RNF180: variants seen among roughly 807,000 people sequenced by gnomAD.
RNF180 encodes E3 ubiquitin-protein ligase RNF180.
A neutral mutation model predicts 59.2 loss-of-function variants in RNF180; 38 were observed. That is an observed-to-expected ratio of 0.64 (90% CI 0.50 to 0.84). The LOEUF is 0.84. Among genes scored for constraint, RNF180 ranks in the 40% least tolerant of loss-of-function variants. The pLI is 0.00. For synonymous variants in RNF180, 262 were observed against 240.3 expected (o/e 1.09, Z -0.84); for missense variants, 705 against 700.9 (o/e 1.01, Z -0.07).
At chr5:64,336,920 G>A (rs1324906542) in intron 7 of RNF180, among the ~76,000 whole-genome samples, 3 of 150,276 alleles carry the variant, frequency 2.0e-5, no homozygotes, top group Non-Finnish European at 1.5e-5. Context: ...AATGTTTTTC[G>A]CTTTGTGTCT....
At chr5:64,168,320 T>C (rs532833572) in intron 1 of RNF180, among the ~76,000 whole-genome samples, 1 of 152,194 alleles carries the variant, frequency 6.6e-6, no homozygotes, top group Admixed American at 6.5e-5. Context: ...TAAAGGATTG[T>C]CCTGATGGCT....
chr5:64,315,608 G>A (rs1403599340), intron 5 of RNF180, among the ~76,000 whole-genome samples: 3 of 151,244 alleles, frequency 2.0e-5, no homozygotes, highest in African/African-American at 7.4e-5. Flanking sequence ...GCCAGGCATA[G>A]TGGTGCATGC....
chr5:64,242,491 T>C (rs183886052), intron 5 of RNF180, among the ~76,000 whole-genome samples: 2 of 152,030 alleles, frequency 1.3e-5, no homozygotes, highest in East Asian at 1.9e-4. Flanking sequence ...TTAAAAAAAC[T>C]GAAGGAAACT....
intron 7 of RNF180, among the ~76,000 whole-genome samples, chr5:64,359,393 G>A (rs1173632190): frequency 1.3e-5 from 2 of 151,798 alleles, no homozygotes; most frequent in East Asian, 3.9e-4. Context: ...CAGTGATGAT[G>A]AGCATTTTTT....
chr5:64,189,549 A>G (rs927072232), intron 1 of RNF180, among the ~76,000 whole-genome samples: 1 of 152,204 alleles, frequency 6.6e-6, no homozygotes, highest in Non-Finnish European at 1.5e-5. Context: ...CTTGTGAGTG[A>G]TGACCTTGAA....
intron 1 of RNF180, among the ~76,000 whole-genome samples, chr5:64,175,656 C>A (rs933752286): frequency 6.6e-6 from 1 of 152,014 alleles, no homozygotes; most frequent in African/African-American, 2.4e-5. Flanking sequence ...TGAAAAATGT[C>A]ATTGGTATTT....
chr5:64,321,277 T>C (rs1307540485), intron 5 of RNF180, among the ~76,000 whole-genome samples: 1 of 152,128 alleles, frequency 6.6e-6, no homozygotes, highest in Non-Finnish European at 1.5e-5. Context: ...GAAATCCCCA[T>C]AGTCTCAGCC....
In RNF180 at chr5:64,214,375, A is replaced by G. The variant is rs767467784; in HGVS notation, c.1049A>G (p.Glu350Gly). ...RSMPEASDQE[E>G]HLSPLDFLHS... ...ATGCCGGAGGCCTCAGACCAGGAAGAGCACCTCTCCCCTCTGGACTTCCTG... is the reference window on the plus strand; with the variant it reads ...ATGCCGGAGGCCTCAGACCAGGAAGGGCACCTCTCCCCTCTGGACTTCCTG... Residue 350 changes from glutamate to glycine, a missense_variant, in exon 4 of 8, where the codon GAG (glutamate) becomes GGG (glycine). Glu to Gly is a moderately conservative substitution (Grantham distance 98). Transcript: ENST00000389100. 6 of 1,613,934 alleles carry G rather than the reference A, an allele frequency of 3.7e-6. No homozygotes were observed. Among genetic ancestry groups the G allele is most frequent in the South Asian group, 1.1e-5 (1 of 91,084 alleles).
chr5:64,185,859 A>G (rs1190970624), intron 1 of RNF180, among the ~76,000 whole-genome samples: 1 of 152,226 alleles, frequency 6.6e-6, no homozygotes, highest in Non-Finnish European at 1.5e-5. Context: ...TAAAGGCATA[A>G]GTAACAGATG....
intron 5 of RNF180, among the ~76,000 whole-genome samples, chr5:64,314,926 C>G (rs1743962463): frequency 6.6e-6 from 1 of 152,154 alleles, no homozygotes; most frequent in Admixed American, 6.6e-5. Flanking sequence ...CAAAACTTGA[C>G]AAGCACTAGA....
At chr5:64,354,118 G>T (rs1014438931) in intron 7 of RNF180, among the ~76,000 whole-genome samples, 2 of 150,932 alleles carry the variant, frequency 1.3e-5, no homozygotes, top group African/African-American at 4.9e-5. Flanking sequence ...AATAATACAT[G>T]ATTAGAATAG....
intron 5 of RNF180, among the ~76,000 whole-genome samples, chr5:64,228,915 CTTTTTTTTTTT>C (rs373212886): frequency 3.0e-5 from 3 of 98,496 alleles, no homozygotes; most frequent in South Asian, 7.8e-4. Context: ...TCTATTACTG[CTTTTTTTTTTT>C]TTTTTTTTTT....
chr5:64,359,357 G>C (rs1182067049), intron 7 of RNF180, among the ~76,000 whole-genome samples: 1 of 150,580 alleles, frequency 6.6e-6, no homozygotes, highest in Non-Finnish European at 1.5e-5. Context: ...TCTCATTGTG[G>C]TTTTGATTTG....
At chr5:64,284,388 A>T (rs1742172945) in intron 5 of RNF180, among the ~76,000 whole-genome samples, 2 of 152,186 alleles carry the variant, frequency 1.3e-5, no homozygotes, top group Non-Finnish European at 2.9e-5. Context: ...TTTTGTGAAT[A>T]TGAATGTTGA....
chr5:64,221,823 T>C (rs1051735644), intron 5 of RNF180, among the ~76,000 whole-genome samples: 4 of 152,170 alleles, frequency 2.6e-5, no homozygotes, highest in African/African-American at 9.7e-5. Context: ...TAGAAAAGCT[T>C]TGAAGATAGT....
intron 1 of RNF180, among the ~76,000 whole-genome samples, chr5:64,192,594 C>A (rs1291187072): frequency 6.6e-6 from 1 of 151,974 alleles, no homozygotes; most frequent in African/African-American, 2.4e-5. Context: ...ATCACTTGAA[C>A]CCAGGAAGCG....
chr5:64,308,501 T>G (rs985756059), intron 5 of RNF180, among the ~76,000 whole-genome samples: 1 of 151,750 alleles, frequency 6.6e-6, no homozygotes, highest in Non-Finnish European at 1.5e-5. Context: ...ATATATTGAT[T>G]ATTTCACAAA....
chr5:64,329,347 G>A (rs1038537375), intron 6 of RNF180, among the ~76,000 whole-genome samples: 3 of 152,042 alleles, frequency 2.0e-5, no homozygotes, highest in African/African-American at 7.2e-5. Flanking sequence ...ATCAAGGACC[G>A]GTTTTATGGA....
chr5:64,367,960 A>G (rs905463913), intron 7 of RNF180, among the ~76,000 whole-genome samples: 1 of 151,746 alleles, frequency 6.6e-6, no homozygotes, highest in Non-Finnish European at 1.5e-5. Flanking sequence ...CTGAGTTTAT[A>G]TATTGGTCAA....
Sources: allele counts gnomAD v4.1 joint callset (sites outside exome capture counted in the v4.1 genomes callset), GRCh38; gene constraint gnomAD v4.1.1; transcripts MANE v1.5; gene names NCBI Gene and HGNC (gene_info 2026-07-23, HGNC 2026-07-21).